BRD4: variants seen among roughly 807,000 people sequenced by gnomAD.
BRD4 encodes the protein bromodomain containing 4.
Under a neutral mutation model 142.1 loss-of-function variants are expected in BRD4, and 16 were observed. The observed-to-expected ratio is 0.11, with a 90% CI of 0.08 to 0.17. BRD4 has a LOEUF of 0.17. Ranked by LOEUF, BRD4 falls within the 10% of genes least tolerant of loss-of-function variation. The pLI is 1.00. For missense variants in BRD4, 1,424 were observed against 1,810.9 expected, an observed-to-expected ratio of 0.79 and a Z score of 3.88; for synonymous variants, 833 against 707.5, an observed-to-expected ratio of 1.18 and a Z score of -2.82.
At position 15,238,237 on chromosome 19, in the gene BRD4, C is replaced by G; in HGVS notation, c.*140G>C. The G allele has an allele frequency of 7.1e-7, 1 of 1,405,204 alleles. No individual in the cohort carries two copies. Among genetic ancestry groups the G allele is most frequent in the Non-Finnish European group, 9.6e-7 (1 of 1,039,864 alleles). The allele number at this position is 1,405,204 out of a possible 1,614,324, so 87.0% of individuals were successfully genotyped here. A position where few individuals can be genotyped will look rare whatever the true frequency, so the allele number is the denominator to read the frequency against. On this transcript the variant is annotated 3_prime_UTR_variant, in exon 20 of 20. Coordinates refer to ENST00000679869, the MANE Select transcript of BRD4 (RefSeq NM_001379291.1). This position sits in a 1 kb window ranked among gnomAD's most constrained non-coding sequence, Gnocchi z 7.2. ...CTGCAATCCTCAGCTGCCCGTCAGG[C>G]CTGCCCCGGGCATAGCATGCAGGAG...
intron 1 of BRD4, among the ~76,000 whole-genome samples, chr19:15,293,229 C>T (rs1300161009): frequency 6.6e-6 from 1 of 152,206 alleles, no homozygotes; most frequent in Non-Finnish European, 1.5e-5. Flanking sequence ...CATACAGTTT[C>T]GCTTGTTAAA....
At chr19:15,292,941 T>C (rs752475993) in intron 1 of BRD4, among the ~76,000 whole-genome samples, 1 of 151,888 alleles carries the variant, frequency 6.6e-6, no homozygotes, top group Non-Finnish European at 1.5e-5. Flanking sequence ...ACACTGCTGG[T>C]AGTTAATGTC....
At chr19:15,317,258 G>A (rs909554850) in intron 1 of BRD4, among the ~76,000 whole-genome samples, 2 of 152,230 alleles carry the variant, frequency 1.3e-5, no homozygotes, top group Non-Finnish European at 2.9e-5. Flanking sequence ...CTTAAGGAAT[G>A]CGTAGAGGCT....
intron 4 of BRD4, 107 bp from the exon 5 acceptor site, chr19:15,265,750 G>C: frequency 3.3e-6 from 4 of 1,224,592 alleles, no homozygotes; most frequent in Non-Finnish European, 4.8e-6. Flanking sequence ...TTCGCGTGTT[G>C]CATTTGCCTG....
Position 15,244,430 on chromosome 19 carries a change from C to T in BRD4, c.2382G>A (p.Lys794=), listed in dbSNP as rs754731061. ...TGGCAATGAAGGGTGGGGGCGAGGACTTCATCGCCGGGGCTGCCTGCTGCG... is the reference window on the plus strand; with the variant it reads ...TGGCAATGAAGGGTGGGGGCGAGGATTTCATCGCCGGGGCTGCCTGCTGCG... The part of the protein sequence containing the change: ...SMPQQAAPAM[K]SSPPPFIATQ... The change falls in exon 13 of 20, where the codon AAG becomes AAA. Residue 794 remains lysine, a synonymous_variant. Coordinates refer to ENST00000679869, the MANE Select transcript of BRD4 (RefSeq NM_001379291.1). 3.3e-6 allele frequency: 5 copies of T among 1,506,066 alleles called. No individual in the cohort carries two copies. Among genetic ancestry groups the T allele is most frequent in the Non-Finnish European group, 4.4e-6 (5 of 1,125,368 alleles). 93.3% of individuals were successfully genotyped at this position (1,506,066 alleles called of 1,614,324 possible). A position where few individuals can be genotyped will look rare whatever the true frequency, so the allele number is the denominator to read the frequency against.
chr19:15,302,756 AG>A (rs2047881076), intron 1 of BRD4, among the ~76,000 whole-genome samples: 1 of 151,448 alleles, frequency 6.6e-6, no homozygotes, highest in East Asian at 1.9e-4. Flanking sequence ...CTGTAATCTC[AG>A]CACTTTGGGA....
chr19:15,238,638 G>A lies in BRD4; in HGVS notation c.4020+105C>T, dbSNP rs558321325. On this transcript the variant is annotated intron_variant, in intron 19 of 19. Coordinates refer to ENST00000679869, the MANE Select transcript of BRD4 (RefSeq NM_001379291.1). This position sits in a 1 kb window ranked among gnomAD's most constrained non-coding sequence, Gnocchi z 7.2. ...GGACCACATGCCGACCAGCAGGGAC[G>A]GGGCTCCCCCGCTGCCCCTCCCTGT... 111 of 1,457,490 alleles carry A rather than the reference G, an allele frequency of 7.6e-5. No homozygotes were observed. In the African/African-American group the frequency reaches 1.3e-3, roughly 17 times the overall value. The allele number at this position is 1,457,490 out of a possible 1,614,324, so 90.3% of individuals were successfully genotyped here.
chr19:15,306,432 C>T (rs1460998553), intron 1 of BRD4, among the ~76,000 whole-genome samples: 3 of 152,200 alleles, frequency 2.0e-5, no homozygotes, highest in Middle Eastern at 6.8e-3. Flanking sequence ...CCATGCCTGG[C>T]TACTTTTTCC....
intron 1 of BRD4, among the ~76,000 whole-genome samples, chr19:15,307,711 G>C (rs1568406461): frequency 6.6e-6 from 1 of 152,100 alleles, no homozygotes; most frequent in Non-Finnish European, 1.5e-5. Context: ...CTGAGCCCAG[G>C]AGTTCTGGGC....
At chr19:15,326,014 A>AAAG (rs1555748468) in intron 1 of BRD4, among the ~76,000 whole-genome samples, 1 of 150,760 alleles carries the variant, frequency 6.6e-6, no homozygotes, top group Admixed American at 6.6e-5. Flanking sequence ...AAAAAAAAAA[A>AAAG]AAAAGAAAGA....
Position 15,238,528 on chromosome 19 carries a change from C to G in BRD4, c.4021-83G>C. ...AGCCCTCATACCCGCTACCAGCAGT[C>G]AGCCCCGTAGCCCTCCCCGTGGCTG... On this transcript the variant is annotated intron_variant, in intron 19 of 19. Transcript: ENST00000679869. The surrounding 1 kb of genome is among the most constrained non-coding windows in gnomAD (Gnocchi z 7.2). 1 of 1,604,234 alleles carries G rather than the reference C, an allele frequency of 6.2e-7. No homozygotes were observed. Among genetic ancestry groups the G allele is most frequent in the Admixed American group, 1.7e-5 (1 of 59,466 alleles).
chr19:15,318,410 T>A (rs1238844859), intron 1 of BRD4, among the ~76,000 whole-genome samples: 2 of 152,062 alleles, frequency 1.3e-5, no homozygotes, highest in Non-Finnish European at 2.9e-5. Flanking sequence ...GTTTATGGTA[T>A]TATATTTCCT....
At chr19:15,313,060 CCT>C (rs1378041955) in intron 1 of BRD4, among the ~76,000 whole-genome samples, 3 of 150,962 alleles carry the variant, frequency 2.0e-5, no homozygotes, top group Non-Finnish European at 4.4e-5. Flanking sequence ...TGAGGGAGAC[CCT>C]GTCTTCAAAA....
intron 9 of BRD4, 95 bp from the exon 10 acceptor site, chr19:15,255,687 C>T: frequency 2.1e-6 from 3 of 1,428,730 alleles, no homozygotes; most frequent in Non-Finnish European, 2.8e-6. Context: ...AAGGGGTGCC[C>T]TTCCCATACC....
intron 1 of BRD4, among the ~76,000 whole-genome samples, chr19:15,322,867 C>CAAAA (rs71333367): frequency 1.3e-3 from 86 of 65,494 alleles, no homozygotes; most frequent in African/African-American, 4.6e-3. Context: ...ACTCTGTCTC[C>CAAAA]AAAAAAAAAA....
chr19:15,265,857 G>A (rs1017558479), intron 4 of BRD4, among the ~76,000 whole-genome samples: 4 of 152,136 alleles, frequency 2.6e-5, no homozygotes, highest in South Asian at 2.1e-4. Flanking sequence ...TTCCTAGGGC[G>A]TCCTGGCTGC....
intron 1 of BRD4, among the ~76,000 whole-genome samples, chr19:15,282,365 C>T (rs1017125791): frequency 6.6e-6 from 1 of 152,174 alleles, no homozygotes; most frequent in Admixed American, 6.5e-5. Context: ...GGTAACAATG[C>T]CAGGTGGGTG....
intron 2 of BRD4, among the ~76,000 whole-genome samples, chr19:15,270,438 C>T (rs73508413): frequency 0.014 from 2,158 of 152,296 alleles, 42 homozygotes; most frequent in African/African-American, 0.049. Flanking sequence ...AGCAGACTAT[C>T]GGTGCCACTT....
At position 15,264,510 on chromosome 19, in the gene BRD4, T is replaced by C. The variant is rs1475673288; in HGVS notation, c.1106A>G (p.His369Arg). 4 of 1,613,718 alleles carry C rather than the reference T, an allele frequency of 2.5e-6. No homozygotes were observed. Among genetic ancestry groups the C allele is most frequent in the Non-Finnish European group, 3.4e-6 (4 of 1,179,916 alleles). The change falls in exon 6 of 20, where the codon CAC (histidine) becomes CGC (arginine). Residue 369 changes from histidine to arginine, a missense_variant. By Grantham distance (29) the His-to-Arg change is conservative. This residue lies in a region of BRD4 where 30 missense variants were observed against 65.2 expected (regional missense o/e 0.46). Transcript: ENST00000679869. ...GTAGAAGGGCCAGGCGTAGGCGGCG[T>C]GCTTCTTGGCAAACATCTCCTTGAG... Reference protein sequence around the residue: ...GILKEMFAKKHAAYAWPFYKP... With the variant: ...GILKEMFAKKRAAYAWPFYKP...
Sources: allele counts gnomAD v4.1 joint callset (sites outside exome capture counted in the v4.1 genomes callset), GRCh38; gene constraint gnomAD v4.1.1; regional missense constraint gnomAD v4.1.1; non-coding constraint Gnocchi (gnomAD v3.1); transcripts MANE v1.5; gene names NCBI Gene and HGNC (gene_info 2026-07-23, HGNC 2026-07-21).